CASQ2: variants seen among roughly 807,000 people sequenced by gnomAD.
CASQ2 encodes calsequestrin-2.
In CASQ2, 49 loss-of-function variants were observed where a neutral mutation model predicts 46.5. The ratio of observed to expected loss-of-function variants is 1.05; its 90% CI spans 0.84 to 1.34. The LOEUF (loss-of-function observed/expected upper bound fraction) is 1.34, where lower values mean the gene tolerates loss of function less well. Ranked by LOEUF, CASQ2 falls within the 40% of genes most tolerant of loss-of-function variation. The pLI, the probability that CASQ2 is intolerant of heterozygous loss-of-function variation, is 0.00. For synonymous variants in CASQ2, 174 were observed against 168.5 expected, an observed-to-expected ratio of 1.03 and a Z score of -0.25; for missense variants, 486 against 481.3, an observed-to-expected ratio of 1.01 and a Z score of -0.09.
Position 115,740,833 on chromosome 1 carries a change from A to G in CASQ2, c.320-5T>C. On this transcript the variant is annotated splice_polypyrimidine_tract_variant and splice_region_variant and intron_variant, in intron 2 of 10. Transcript: ENST00000261448. ...GGCTTCCTTCTTCATCAAAACCTGT[A>G]AGAAACAAAGAGGCCCACAGAGAAG... The G allele has an allele frequency of 6.3e-7, 1 of 1,586,618 alleles. No homozygotes were observed. Among genetic ancestry groups the G allele is most frequent in the Non-Finnish European group, 8.7e-7 (1 of 1,155,124 alleles).
intron 1 of CASQ2, among the ~76,000 whole-genome samples, chr1:115,762,546 A>G (rs1209525266): frequency 6.6e-6 from 1 of 152,214 alleles, no homozygotes; most frequent in Non-Finnish European, 1.5e-5. Context: ...TACATGGCTA[A>G]CAGCATCAAT....
At chr1:115,735,769 G>A (rs1647934257) in intron 4 of CASQ2, among the ~76,000 whole-genome samples, 1 of 152,164 alleles carries the variant, frequency 6.6e-6, no homozygotes, top group Admixed American at 6.5e-5. Context: ...GAAAAGAAAA[G>A]TGATAGCTGT....
chr1:115,705,951 T>G (rs958961609), intron 8 of CASQ2, among the ~76,000 whole-genome samples: 4 of 152,158 alleles, frequency 2.6e-5, no homozygotes, highest in Admixed American at 2.6e-4. Context: ...ACAAACTTGT[T>G]AGCTTTAAAA....
At chr1:115,758,627 G>A (rs4500313) in intron 1 of CASQ2, among the ~76,000 whole-genome samples, 9,628 of 152,258 alleles carry the variant, frequency 0.063, 421 homozygotes, top group Admixed American at 0.13. Context: ...AATGTCCTCC[G>A]TGGGTGGGGC....
chr1:115,744,951 G>T (rs775900548), intron 1 of CASQ2, 39 bp from the exon 2 acceptor site: 4 of 1,384,808 alleles, frequency 2.9e-6, no homozygotes, highest in Admixed American at 1.7e-5. Flanking sequence ...GCTAAGGGCA[G>T]AAAGATGGTA....
intron 5 of CASQ2, among the ~76,000 whole-genome samples, chr1:115,729,035 CTTTTTTTTT>C (rs753965730): frequency 1.5e-5 from 1 of 68,862 alleles, no homozygotes; most frequent in African/African-American, 6.4e-5. Context: ...CTCTTTCATT[CTTTTTTTTT>C]TTTTTTTTTT....
At chr1:115,743,197 GTTTATTTA>G (rs61424506) in intron 2 of CASQ2, among the ~76,000 whole-genome samples, 32 of 36,460 alleles carry the variant, frequency 8.8e-4, no homozygotes, top group Admixed American at 3.6e-3. Flanking sequence ...CTTTATTTTT[GTTTATTTA>G]TTTATTTATT....
intron 5 of CASQ2, among the ~76,000 whole-genome samples, chr1:115,729,197 A>G (rs1362565385): frequency 6.6e-6 from 1 of 151,576 alleles, no homozygotes; most frequent in Non-Finnish European, 1.5e-5. Context: ...TTATGGGCAC[A>G]GGCCACCACA....
chr1:115,744,935 G>T, intron 1 of CASQ2, 23 bp from the exon 2 acceptor site: 1 of 1,539,158 alleles, frequency 6.5e-7, no homozygotes, highest in Non-Finnish European at 9.0e-7. Context: ...ATGGAAAGAT[G>T]AGTGTGCTAA....
chr1:115,737,500 T>C lies in CASQ2; in HGVS notation c.532+724A>G, dbSNP rs149272918. Among the ~76,000 whole-genome samples the C allele has an allele frequency of 2.6e-5, 4 of 152,290 alleles. No individual in the cohort carries two copies. In the East Asian group the frequency reaches 7.7e-4, roughly 29 times the overall value. On this transcript the variant is annotated intron_variant, in intron 4 of 10. Transcript: ENST00000261448. The stretch of plus-strand genomic sequence containing the variant: ...GCTGTTCCTCTCTCCAAGGCTGAGA[T>C]ACCAGAAAAAAGCCTACCTCACGGG...
intron 7 of CASQ2, among the ~76,000 whole-genome samples, chr1:115,723,870 A>C (rs993977041): frequency 6.6e-6 from 1 of 152,196 alleles, no homozygotes; most frequent in Admixed American, 6.5e-5. Context: ...TGAAAGGTTT[A>C]AATGTTAGGA....
intron 5 of CASQ2, among the ~76,000 whole-genome samples, chr1:115,731,181 T>C (rs1297878563): frequency 6.6e-6 from 1 of 152,164 alleles, no homozygotes; most frequent in Non-Finnish European, 1.5e-5. Flanking sequence ...GAATAAAGCA[T>C]CTCTCTGAAT....
At chr1:115,758,152 T>C (rs908336754) in intron 1 of CASQ2, among the ~76,000 whole-genome samples, 4 of 152,228 alleles carry the variant, frequency 2.6e-5, no homozygotes, top group African/African-American at 9.6e-5. Context: ...GGAAGGGACA[T>C]GTCATTTGAA....
Position 115,705,285 on chromosome 1 carries a change from G to A in CASQ2, c.846C>T (p.Tyr282=), listed in dbSNP as rs764692110. 1.6e-5 allele frequency: 26 copies of A among 1,609,800 alleles called. No individual in the cohort carries two copies. Among genetic ancestry groups the A allele is most frequent in the South Asian group, 2.2e-5 (2 of 91,004 alleles). Reference sequence around the variant, plus strand: ...CCTGTTTCAGGATCTCCAGGAATTCGTAGCCATCTGAAACAGGATTCAAGA... The same window carrying A: ...CCTGTTTCAGGATCTCCAGGAATTCATAGCCATCTGAAACAGGATTCAAGA... The part of the protein sequence containing the change: ...AFAEKSDPDG[Y]EFLEILKQVA... Residue 282 remains tyrosine (Y), a synonymous_variant, in exon 9 of 11, where the codon TAC becomes TAT. Transcript: ENST00000261448.
chr1:115,767,239 CTTTCTCT>C (rs1181198420), intron 1 of CASQ2, among the ~76,000 whole-genome samples: 2 of 152,148 alleles, frequency 1.3e-5, no homozygotes, highest in Admixed American at 6.5e-5. Context: ...ACTATCCCTG[CTTTCTCT>C]TTTCTTGCAA....
rs897209387 is a variant in CASQ2, at chr1:115,744,610, T to C, written c.319+218A>G. Among the ~76,000 whole-genome samples the C allele has an allele frequency of 3.3e-5, 5 of 152,236 alleles. No individual in the cohort carries two copies. In the South Asian group the frequency reaches 8.3e-4, roughly 25 times the overall value. ...GAAGAAACCCTCTTCATCGTACTGA[T>C]ACAACAATCTCTTACATGATTAATG... On this transcript the variant is annotated intron_variant, in intron 2 of 10. Transcript: ENST00000261448.
At chr1:115,761,956 G>C (rs1440776584) in intron 1 of CASQ2, among the ~76,000 whole-genome samples, 4 of 152,230 alleles carry the variant, frequency 2.6e-5, no homozygotes, top group African/African-American at 2.4e-5. Context: ...GCTTACGAGA[G>C]ATCCCCTGGA....
intron 1 of CASQ2, among the ~76,000 whole-genome samples, chr1:115,754,954 CA>C (rs1259056276): frequency 6.6e-6 from 1 of 152,226 alleles, no homozygotes; most frequent in African/African-American, 2.4e-5. Context: ...TTGCTGGGCC[CA>C]CCCCAGAGTT....
chr1:115,730,428 T>C (rs1647746066), intron 5 of CASQ2, among the ~76,000 whole-genome samples: 1 of 152,206 alleles, frequency 6.6e-6, no homozygotes, highest in African/African-American at 2.4e-5. Flanking sequence ...GGAATCTGCT[T>C]TGCTCAATGT....
Sources: allele counts gnomAD v4.1 joint callset (sites outside exome capture counted in the v4.1 genomes callset), GRCh38; gene constraint gnomAD v4.1.1; transcripts MANE v1.5; gene names NCBI Gene and HGNC (gene_info 2026-07-23, HGNC 2026-07-21).